Variants in SULT1E1 observed in about 807,000 individuals in gnomAD.
SULT1E1 encodes the protein sulfotransferase family 1E member 1.
In SULT1E1, 36 loss-of-function variants were observed where a neutral mutation model predicts 33.6. The observed-to-expected ratio is 1.07, with a 90% CI of 0.82 to 1.41. The LOEUF (loss-of-function observed/expected upper bound fraction) is 1.41. Ranked by LOEUF, SULT1E1 falls within the 40% of genes most tolerant of loss-of-function variation. The probability of loss-of-function intolerance (pLI) is 0.00; values close to 1 mark genes in which losing one functional copy is unlikely to be tolerated. For missense variants in SULT1E1, 371 were observed against 345.7 expected (o/e 1.07, Z -0.58); for synonymous variants, 121 against 111.7 (o/e 1.08, Z -0.53).
At chr4:69,855,496 T>C (rs1721216077) in intron 2 of SULT1E1, 70 bp from the exon 3 acceptor site, 13 of 1,492,738 alleles carry the variant, frequency 8.7e-6, no homozygotes, top group Non-Finnish European at 1.1e-5. Context: ...GCTGCATTTA[T>C]GGATGGAAAA....
intron 5 of SULT1E1, among the ~76,000 whole-genome samples, chr4:69,848,609 A>G (rs1721031132): frequency 6.6e-6 from 1 of 151,892 alleles, no homozygotes; most frequent in Non-Finnish European, 1.5e-5. Context: ...TCTGCCCTGC[A>G]GTGGAGGTCT....
Position 69,844,288 on chromosome 4 carries a change from T to C in SULT1E1, c.645A>G (p.Ser215=), listed in dbSNP as rs1720934122. 6.2e-7 allele frequency: 1 copy of C among 1,613,864 alleles called. No homozygotes were observed. Among genetic ancestry groups the C allele is most frequent in the Non-Finnish European group, 8.5e-7 (1 of 1,179,814 alleles). Residue 215 remains serine, a synonymous_variant, in exon 7 of 8, where the codon TCA becomes TCG. Coordinates refer to ENST00000226444, the MANE Select transcript of SULT1E1 (RefSeq NM_005420.3). ...KLIHFLERKP[S]EELVDRIIHH... ...GTATAATCCTGTCCACAAGCTCCTC[T>C]GATGGCTTCCTTTCCAGGAAATGTA...
chr4:69,849,399 C>T, intron 5 of SULT1E1, 38 bp downstream of exon 5: 2 of 1,595,566 alleles, frequency 1.3e-6, no homozygotes, highest in Non-Finnish European at 1.7e-6. Flanking sequence ...TCTTATAAAA[C>T]CTTGAAAAAA....
chr4:69,834,313 C>T, the SULT1E1 span, among the ~76,000 whole-genome samples: 1 of 152,192 alleles, frequency 6.6e-6, no homozygotes, highest in Non-Finnish European at 1.5e-5. Flanking sequence ...TATCCATACC[C>T]TGCCTCAAAC....
intron 5 of SULT1E1, among the ~76,000 whole-genome samples, chr4:69,848,823 C>T (rs1466237657): frequency 6.6e-6 from 1 of 151,814 alleles, no homozygotes; most frequent in Admixed American, 6.6e-5. Context: ...CTATCCTGCA[C>T]CCTTTCTTCC....
the SULT1E1 span, among the ~76,000 whole-genome samples, chr4:69,824,142 G>A: frequency 6.6e-6 from 1 of 152,162 alleles, no homozygotes; most frequent in East Asian, 1.9e-4. Context: ...GTCCATCAAA[G>A]TTACACCTGA....
the SULT1E1 span, among the ~76,000 whole-genome samples, chr4:69,832,956 C>T: frequency 1.3e-5 from 2 of 152,168 alleles, no homozygotes; most frequent in Admixed American, 6.5e-5. Context: ...GTCTTCAGGG[C>T]ACATCCCTTT....
chr4:69,857,452 A>G (rs757518036), intron 2 of SULT1E1, 48 bp downstream of exon 2: 1 of 1,562,174 alleles, frequency 6.4e-7, no homozygotes, highest in Non-Finnish European at 8.6e-7. Context: ...TACCATTTAC[A>G]GTGTGTTTGT....
intron 2 of SULT1E1, among the ~76,000 whole-genome samples, chr4:69,856,413 G>C (rs1433332294): frequency 6.6e-6 from 1 of 152,202 alleles, no homozygotes; most frequent in Admixed American, 6.5e-5. Flanking sequence ...CACAGTAGCG[G>C]AGGAGGGATC....
the SULT1E1 span, among the ~76,000 whole-genome samples, chr4:69,834,091 G>T: frequency 2.0e-5 from 3 of 151,922 alleles, no homozygotes; most frequent in African/African-American, 7.3e-5. Flanking sequence ...ATTTTCTTCT[G>T]CCCATTCCCT....
downstream of SULT1E1, among the ~76,000 whole-genome samples, chr4:69,838,285 T>C (rs1720825885): frequency 1.3e-5 from 2 of 152,064 alleles, no homozygotes; most frequent in African/African-American, 4.8e-5. Flanking sequence ...TTTAATTGTT[T>C]TTATTTTTTT....
chr4:69,859,903 C>T (rs1721328410), intron 1 of SULT1E1, 146 bp downstream of exon 1: 1 of 152,026 alleles, frequency 6.6e-6, no homozygotes, highest in Non-Finnish European at 1.5e-5. Context: ...GTTTTAAATG[C>T]TTCACATCAT....
At chr4:69,824,499 A>G in the SULT1E1 span, among the ~76,000 whole-genome samples, 28 of 152,148 alleles carry the variant, frequency 1.8e-4, 1 homozygote, top group Non-Finnish European at 3.2e-4. Flanking sequence ...GTGGCTTCAC[A>G]TAATGGTTTA....
the SULT1E1 span, among the ~76,000 whole-genome samples, chr4:69,823,679 C>T: frequency 6.6e-6 from 1 of 152,160 alleles, no homozygotes; most frequent in Non-Finnish European, 1.5e-5. Context: ...TAAATAGCCC[C>T]ATGAACATGC....
intron 4 of SULT1E1, among the ~76,000 whole-genome samples, 185 bp from the exon 5 acceptor site, chr4:69,849,748 T>C (rs1179876530): frequency 6.6e-6 from 1 of 152,054 alleles, no homozygotes; most frequent in Non-Finnish European, 1.5e-5. Context: ...CAGTGGTTTT[T>C]GTAGTGTTGT....
chr4:69,842,351 T>G (rs1414863690), intron 7 of SULT1E1, among the ~76,000 whole-genome samples: 1 of 152,214 alleles, frequency 6.6e-6, no homozygotes, highest in Non-Finnish European at 1.5e-5. Context: ...ATTTACTTTA[T>G]TTTTCTTCTG....
intron 4 of SULT1E1, among the ~76,000 whole-genome samples, chr4:69,851,153 A>T (rs1721093730): frequency 6.6e-6 from 1 of 152,178 alleles, no homozygotes; most frequent in Non-Finnish European, 1.5e-5. Flanking sequence ...GAGCTTCTGC[A>T]CAGCAAAAGA....
the SULT1E1 span, among the ~76,000 whole-genome samples, chr4:69,822,741 T>C: frequency 6.6e-6 from 1 of 152,214 alleles, no homozygotes; most frequent in African/African-American, 2.4e-5. Flanking sequence ...TTTGTCTTCT[T>C]TCTAGACCCT....
the SULT1E1 span, among the ~76,000 whole-genome samples, chr4:69,828,073 G>C: frequency 2.6e-5 from 4 of 152,202 alleles, no homozygotes; most frequent in Non-Finnish European, 5.9e-5. Flanking sequence ...GCAAGTGCCA[G>C]CACATGTCAC....
Sources: allele counts gnomAD v4.1 joint callset (sites outside exome capture counted in the v4.1 genomes callset), GRCh38; gene constraint gnomAD v4.1.1; transcripts MANE v1.5; gene names NCBI Gene and HGNC (gene_info 2026-07-23, HGNC 2026-07-21).